Variants in ERAP1 observed in about 807,000 individuals in gnomAD.
The protein encoded by ERAP1 is endoplasmic reticulum aminopeptidase 1, also known as adipocyte-derived leucine aminopeptidase.
Under a neutral mutation model 103.7 loss-of-function variants are expected in ERAP1, and 86 were observed. The observed-to-expected ratio is 0.83, with a 90% CI of 0.70 to 0.99. ERAP1 has a LOEUF of 0.99. ERAP1 is among the 50% of genes least tolerant of loss of function. The pLI is 0.00. For synonymous variants in ERAP1, 398 were observed against 402.4 expected (o/e 0.99, Z 0.13); for missense variants, 1,009 against 1,128.4 (o/e 0.89, Z 1.52).
intron 19 of ERAP1, chr5:96,765,289 C>A: frequency 1.3e-6 from 2 of 1,563,348 alleles, no homozygotes; most frequent in Non-Finnish European, 1.7e-6. Context: ...GGCAGCCTGA[C>A]CCAGATGAGA....
At chr5:96,898,480 GCT>G in the ERAP1 span, among the ~76,000 whole-genome samples, 1 of 150,366 alleles carries the variant, frequency 6.7e-6, no homozygotes, top group African/African-American at 2.5e-5. Context: ...GGTGGCTCAT[GCT>G]TGTAATCCCA....
the ERAP1 span, among the ~76,000 whole-genome samples, chr5:96,887,106 C>CATAT: frequency 2.8e-3 from 96 of 34,812 alleles, 1 homozygote; most frequent in African/African-American, 5.6e-3. Flanking sequence ...TATATACACA[C>CATAT]ACACACACAC....
the ERAP1 span, among the ~76,000 whole-genome samples, chr5:96,903,161 T>C: frequency 6.6e-5 from 10 of 152,176 alleles, no homozygotes; most frequent in Non-Finnish European, 1.5e-4. Flanking sequence ...AATTCAGCAG[T>C]CTTATTCCTA....
At chr5:96,873,067 T>C in the ERAP1 span, among the ~76,000 whole-genome samples, 11 of 151,940 alleles carry the variant, frequency 7.2e-5, no homozygotes, top group Non-Finnish European at 1.6e-4. Flanking sequence ...TGGGCGCCTG[T>C]AATCCTAGCT....
chr5:96,903,895 T>C, the ERAP1 span, among the ~76,000 whole-genome samples: 9 of 152,212 alleles, frequency 5.9e-5, no homozygotes, highest in Non-Finnish European at 1.3e-4. Context: ...AAACTCTCTT[T>C]AGGCCAGGCC....
chr5:96,889,834 ACACACAC>A, the ERAP1 span, among the ~76,000 whole-genome samples: 3 of 19,796 alleles, frequency 1.5e-4, no homozygotes, highest in Non-Finnish European at 2.5e-4. Context: ...AAATACATAC[ACACACAC>A]ACACACACAC....
chr5:96,835,367 A>G, the ERAP1 span, among the ~76,000 whole-genome samples: 1 of 152,226 alleles, frequency 6.6e-6, no homozygotes, highest in Non-Finnish European at 1.5e-5. Context: ...CCTTTAAGCC[A>G]CATGAATTGC....
chr5:96,767,931 A>G (rs1770605488), intron 19 of ERAP1: 5 of 1,613,382 alleles, frequency 3.1e-6, no homozygotes, highest in Non-Finnish European at 4.2e-6. Context: ...CCAAGACCCC[A>G]TTGATGCTCT....
chr5:96,907,955 G>C, the ERAP1 span, among the ~76,000 whole-genome samples: 2 of 152,004 alleles, frequency 1.3e-5, no homozygotes, highest in Non-Finnish European at 2.9e-5. Flanking sequence ...CCGTCTTCAG[G>C]TGAAATTTTT....
At chr5:96,799,209 C>A (rs1777711760) in intron 3 of ERAP1, among the ~76,000 whole-genome samples, 1 of 146,458 alleles carries the variant, frequency 6.8e-6, no homozygotes, top group Non-Finnish European at 1.6e-5. Flanking sequence ...AGGAAAATAA[C>A]CTGATTAAAT....
At chr5:96,827,071 A>G in the ERAP1 span, among the ~76,000 whole-genome samples, 1 of 152,184 alleles carries the variant, frequency 6.6e-6, no homozygotes, top group South Asian at 2.1e-4. Flanking sequence ...CAATGTTAGC[A>G]CTCAAAACTG....
At chr5:96,842,713 T>C in the ERAP1 span, among the ~76,000 whole-genome samples, 2 of 152,362 alleles carry the variant, frequency 1.3e-5, no homozygotes, top group Admixed American at 1.3e-4. Flanking sequence ...AAAAATTTTC[T>C]CCCACTCTGT....
the ERAP1 span, among the ~76,000 whole-genome samples, chr5:96,858,268 G>A: frequency 6.7e-6 from 1 of 148,590 alleles, no homozygotes; most frequent in Non-Finnish European, 1.5e-5. Context: ...AGGCTAGAGT[G>A]CAGTGGCGCT....
chr5:96,798,321 T>C (rs1156584712), intron 3 of ERAP1, among the ~76,000 whole-genome samples: 6 of 50,328 alleles, frequency 1.2e-4, no homozygotes, highest in African/African-American at 3.9e-4. Context: ...CGAGACTCCA[T>C]CTCAAAAAAA....
intron 2 of ERAP1, among the ~76,000 whole-genome samples, chr5:96,802,024 C>A (rs187395084): frequency 6.6e-6 from 1 of 152,084 alleles, no homozygotes; most frequent in African/African-American, 2.4e-5. Context: ...AAAAAGAGAT[C>A]ATTTATTTGG....
At chr5:96,817,144 C>T in the ERAP1 span, among the ~76,000 whole-genome samples, 5 of 152,154 alleles carry the variant, frequency 3.3e-5, no homozygotes, top group Admixed American at 6.5e-5. Flanking sequence ...GTTGGAGGGA[C>T]GGGCAACCAG....
chr5:96,843,758 G>A, the ERAP1 span, among the ~76,000 whole-genome samples: 7 of 152,084 alleles, frequency 4.6e-5, no homozygotes, highest in East Asian at 1.2e-3. Context: ...AAACTCTGAC[G>A]GCCATTCGTT....
the ERAP1 span, among the ~76,000 whole-genome samples, chr5:96,865,569 G>T: frequency 1.3e-5 from 2 of 152,046 alleles, no homozygotes; most frequent in African/African-American, 4.8e-5. Flanking sequence ...TTTCTAAATT[G>T]GTAATCAGCA....
chr5:96,765,043 T>TA (rs1769360819), intron 19 of ERAP1, among the ~76,000 whole-genome samples: 2 of 152,028 alleles, frequency 1.3e-5, no homozygotes, highest in Non-Finnish European at 2.9e-5. Context: ...GCTCTTCTCC[T>TA]GATCTTCCAT....
Sources: allele counts gnomAD v4.1 joint callset (sites outside exome capture counted in the v4.1 genomes callset), GRCh38; gene constraint gnomAD v4.1.1; transcripts MANE v1.5; gene names NCBI Gene and HGNC (gene_info 2026-07-23, HGNC 2026-07-21).